Variants in SOX6 observed in about 807,000 individuals in gnomAD.
SOX6 encodes the protein SRY-box transcription factor 6.
SOX6 carries 11 observed loss-of-function variants against 97.8 expected under a neutral mutation model. That is an observed-to-expected ratio of 0.11 (90% CI 0.07 to 0.19). SOX6 has a LOEUF of 0.19. Ranked by LOEUF, SOX6 falls within the 10% of genes least tolerant of loss-of-function variation. The pLI is 1.00. For synonymous variants in SOX6, 360 were observed against 371.4 expected, an observed-to-expected ratio of 0.97 and a Z score of 0.35; for missense variants, 810 against 1,039.5, an observed-to-expected ratio of 0.78 and a Z score of 3.04.
intron 6 of SOX6, among the ~76,000 whole-genome samples, chr11:16,145,085 A>G (rs1047491699): frequency 1.9e-4 from 29 of 152,164 alleles, no homozygotes; most frequent in African/African-American, 6.8e-4. Context: ...GATGAACATC[A>G]ATGCAAAAAT....
At chr11:16,187,672 G>C (rs1851517202) in intron 4 of SOX6, among the ~76,000 whole-genome samples, 1 of 152,088 alleles carries the variant, frequency 6.6e-6, no homozygotes, top group African/African-American at 2.4e-5. Flanking sequence ...ACACATTCAA[G>C]GTTGAAAAGG....
At chr11:16,459,637 A>C (rs1859880896) in intron 1 of SOX6, among the ~76,000 whole-genome samples, 2 of 152,114 alleles carry the variant, frequency 1.3e-5, no homozygotes, top group African/African-American at 4.8e-5. Context: ...ATTTTTAAAG[A>C]TTCAAGTTGA....
intron 3 of SOX6, among the ~76,000 whole-genome samples, chr11:16,237,322 GA>G (rs1853054855): frequency 6.6e-6 from 1 of 151,970 alleles, no homozygotes; most frequent in South Asian, 2.1e-4. Context: ...ATAAGCAGAA[GA>G]CACTACTGCT....
intron 2 of SOX6, among the ~76,000 whole-genome samples, chr11:16,321,304 AG>A (rs1565090495): frequency 1.3e-5 from 2 of 151,968 alleles, no homozygotes; most frequent in South Asian, 2.1e-4. Flanking sequence ...AAGGGATTGA[AG>A]AACAAGTCAA....
intron 3 of SOX6, among the ~76,000 whole-genome samples, chr11:16,285,483 G>A (rs1829418): frequency 0.78 from 118,405 of 152,002 alleles, 46,247 homozygotes; most frequent in Non-Finnish European, 0.8. Flanking sequence ...GCAGTGAGTC[G>A]AGATCGCACC....
intron 6 of SOX6, among the ~76,000 whole-genome samples, chr11:16,141,961 T>C (rs1172882285): frequency 6.6e-6 from 1 of 152,128 alleles, no homozygotes; most frequent in Non-Finnish European, 1.5e-5. Flanking sequence ...AGCAGAAACC[T>C]CTGCAGACTT....
At chr11:16,230,747 C>T (rs898107880) in intron 4 of SOX6, among the ~76,000 whole-genome samples, 2 of 151,316 alleles carry the variant, frequency 1.3e-5, no homozygotes, top group Non-Finnish European at 3.0e-5. Context: ...TATGGAAGCA[C>T]CTTAAAGAAA....
intron 3 of SOX6, among the ~76,000 whole-genome samples, chr11:16,620,529 G>C (rs1340762809): frequency 2.6e-5 from 4 of 152,140 alleles, no homozygotes; most frequent in Non-Finnish European, 5.9e-5. Context: ...CAAGCTTCCT[G>C]AGTAGCTGGG....
chr11:16,579,614 T>C (rs1205271204), intron 4 of SOX6, among the ~76,000 whole-genome samples: 4 of 152,142 alleles, frequency 2.6e-5, no homozygotes, highest in Non-Finnish European at 5.9e-5. Context: ...GTGAAAATCA[T>C]CTACGTTATT....
At chr11:16,229,251 G>A (rs538168586) in intron 4 of SOX6, among the ~76,000 whole-genome samples, 5 of 152,064 alleles carry the variant, frequency 3.3e-5, no homozygotes, top group Non-Finnish European at 7.4e-5. Flanking sequence ...TAATGACAGA[G>A]TTCTAAAAGC....
intron 6 of SOX6, among the ~76,000 whole-genome samples, chr11:16,120,240 C>G (rs1288241679): frequency 6.8e-6 from 1 of 147,890 alleles, no homozygotes. Context: ...CTCTCACTCA[C>G]TCCTCTCTCT....
chr11:16,715,721 A>G (rs1462952979), intron 2 of SOX6, among the ~76,000 whole-genome samples: 1 of 152,176 alleles, frequency 6.6e-6, no homozygotes, highest in Non-Finnish European at 1.5e-5. Context: ...GTTTATTATT[A>G]TTAAAACACT....
upstream of SOX6, among the ~76,000 whole-genome samples, chr11:16,479,258 G>T (rs1198075001): frequency 2.0e-5 from 3 of 152,124 alleles, no homozygotes; most frequent in Non-Finnish European, 4.4e-5. Context: ...GGCCAAGAGG[G>T]GTGGCTCATG....
rs1003322049 is a variant in SOX6 at position 15,970,646 on chromosome 11, A to G, written c.*2163T>C. The G allele has an allele frequency of 6.6e-6, 1 of 152,660 alleles. No individual in the cohort carries two copies. The highest frequency in any genetic ancestry group is 1.5e-5 in the Non-Finnish European group (1 of 68,036). The allele number at this position is 152,660 out of a possible 1,614,324, so 9.5% of individuals were successfully genotyped here. On this transcript the variant is annotated 3_prime_UTR_variant, in exon 16 of 16. Coordinates refer to ENST00000683767, the MANE Select transcript of SOX6 (RefSeq NM_001367873.1). ...TCCCCAACCAACATGAATAACAAAG[A>G]GTTCCTATCAGTACCTTAATCAGCT...
chr11:16,027,439 G>T (rs892778598), intron 12 of SOX6, among the ~76,000 whole-genome samples: 1 of 152,118 alleles, frequency 6.6e-6, no homozygotes, highest in Non-Finnish European at 1.5e-5. Flanking sequence ...CCAAATTCAA[G>T]AATGTTCTTA....
At chr11:16,655,726 C>G (rs145246506) in intron 3 of SOX6, among the ~76,000 whole-genome samples, 222 of 152,320 alleles carry the variant, frequency 1.5e-3, no homozygotes, top group Middle Eastern at 3.4e-3. Context: ...TGCCCCTTCA[C>G]TGGCTCTGTC....
At chr11:16,234,546 A>T (rs760435793) in intron 4 of SOX6, 36 bp downstream of exon 4, 7 of 1,183,510 alleles carry the variant, frequency 5.9e-6, no homozygotes, top group Non-Finnish European at 8.7e-6. Flanking sequence ...ACATCACATC[A>T]CTGCATTGAC....
At chr11:16,218,597 T>C (rs1376919094) in intron 4 of SOX6, among the ~76,000 whole-genome samples, 3 of 152,144 alleles carry the variant, frequency 2.0e-5, no homozygotes, top group Admixed American at 2.0e-4. Flanking sequence ...TTAATAGGAA[T>C]GTAACTCTTT....
chr11:16,103,264 A>AT (rs1278002338), intron 7 of SOX6, among the ~76,000 whole-genome samples: 8 of 152,018 alleles, frequency 5.3e-5, no homozygotes, highest in Non-Finnish European at 7.4e-5. Flanking sequence ...CAATGATCAT[A>AT]TAAAAAAAAG....
Sources: gnomAD v4.1 joint callset for allele counts (sites outside exome capture counted in the v4.1 genomes callset) on GRCh38, gnomAD v4.1.1 for gene constraint, MANE v1.5 for transcripts, NCBI Gene and HGNC (gene_info 2026-07-23, HGNC 2026-07-21) for gene names.